CNTN3: variants seen among roughly 807,000 people sequenced by gnomAD.
The protein encoded by CNTN3 is contactin-3.
CNTN3 carries 60 observed loss-of-function variants against 119.1 expected under a neutral mutation model. The ratio of observed to expected loss-of-function variants is 0.50; its 90% CI spans 0.41 to 0.62. CNTN3 has a LOEUF of 0.62. CNTN3 is among the 20% of genes least tolerant of loss of function. CNTN3 has a pLI of 0.00. For synonymous variants in CNTN3, 450 were observed against 438.7 expected, an observed-to-expected ratio of 1.03 and a Z score of -0.32; for missense variants, 1,101 against 1,242.4, an observed-to-expected ratio of 0.89 and a Z score of 1.71.
chr3:74,369,987 C>A lies in CNTN3; in HGVS notation c.663G>T (p.Val221=). ...PTPLVLRSDG[V]MGEYEPKIEV... The stretch of plus-strand genomic sequence containing the variant: ...CTATTTTAGGTTCATATTCACCCAT[C>A]ACACCTATAAATCCACAATATAAAG... The change falls in exon 7 of 23, where the codon GTG becomes GTT. Residue 221 remains valine, a synonymous_variant. Transcript: ENST00000263665. 1 of 1,529,900 alleles carries A rather than the reference C, an allele frequency of 6.5e-7. No homozygotes were observed. The highest frequency in any genetic ancestry group is 9.0e-7 in the Non-Finnish European group (1 of 1,106,832). The allele number at this position is 1,529,900 out of a possible 1,614,324, so 94.8% of individuals were successfully genotyped here. A position where few individuals can be genotyped will look rare whatever the true frequency, so the allele number is the denominator to read the frequency against.
chr3:74,582,145 G>A (rs953022799), intron 1 of CNTN3, among the ~76,000 whole-genome samples: 1 of 152,084 alleles, frequency 6.6e-6, no homozygotes, highest in African/African-American at 2.4e-5. Context: ...GGTGGCTCAC[G>A]CCTGTAATCC....
At chr3:74,406,114 T>C (rs913054536) in intron 5 of CNTN3, among the ~76,000 whole-genome samples, 3 of 152,050 alleles carry the variant, frequency 2.0e-5, no homozygotes, top group Non-Finnish European at 4.4e-5. Context: ...CAAGGCAAAA[T>C]AGCAAATCAA....
At chr3:74,511,871 T>C (rs760856184) in intron 2 of CNTN3, among the ~76,000 whole-genome samples, 1 of 152,126 alleles carries the variant, frequency 6.6e-6, no homozygotes, top group Non-Finnish European at 1.5e-5. Flanking sequence ...ATTTACTATC[T>C]AGCGCATGTT....
chr3:74,319,516 C>T (rs1440766418), intron 13 of CNTN3, among the ~76,000 whole-genome samples: 2 of 152,000 alleles, frequency 1.3e-5, no homozygotes, highest in East Asian at 1.9e-4. Flanking sequence ...AAAATTAATT[C>T]AAGATGGATT....
chr3:74,474,840 G>A (rs891556146), intron 4 of CNTN3, among the ~76,000 whole-genome samples: 2 of 152,144 alleles, frequency 1.3e-5, no homozygotes, highest in Admixed American at 1.3e-4. Flanking sequence ...TTGAGACAGT[G>A]AGTGAGTTTT....
intron 5 of CNTN3, among the ~76,000 whole-genome samples, chr3:74,413,591 T>A (rs1701472721): frequency 6.6e-6 from 1 of 152,206 alleles, no homozygotes; most frequent in South Asian, 2.1e-4. Context: ...TTTAGAGATT[T>A]AGCTGTTACC....
chr3:74,522,882 G>C (rs540676833), intron 1 of CNTN3, among the ~76,000 whole-genome samples: 1 of 151,878 alleles, frequency 6.6e-6, no homozygotes, highest in African/African-American at 2.4e-5. Context: ...CGCAGTGTCT[G>C]CTACACTGTG....
chr3:74,386,590 A>G (rs1704749857), intron 5 of CNTN3, among the ~76,000 whole-genome samples: 1 of 152,166 alleles, frequency 6.6e-6, no homozygotes, highest in Non-Finnish European at 1.5e-5. Flanking sequence ...AAACAAAGCA[A>G]ATTAAAAGCA....
At chr3:74,524,794 T>C (rs1703592057) in intron 1 of CNTN3, among the ~76,000 whole-genome samples, 1 of 151,858 alleles carries the variant, frequency 6.6e-6, no homozygotes, top group Non-Finnish European at 1.5e-5. Flanking sequence ...TTGATCAGTA[T>C]GCATGCCCTA....
chr3:74,513,790 C>T (rs1703407985), intron 2 of CNTN3, among the ~76,000 whole-genome samples: 1 of 151,998 alleles, frequency 6.6e-6, no homozygotes, highest in African/African-American at 2.4e-5. Flanking sequence ...ATTAAAGTGA[C>T]AGGTAGGAAT....
At chr3:74,613,236 T>C (rs1391012013) in intron 1 of CNTN3, among the ~76,000 whole-genome samples, 2 of 152,052 alleles carry the variant, frequency 1.3e-5, no homozygotes, top group East Asian at 1.9e-4. Flanking sequence ...TCTGTGGGGG[T>C]AGACAGAAAC....
intron 4 of CNTN3, among the ~76,000 whole-genome samples, chr3:74,460,530 T>C (rs1254908497): frequency 1.3e-5 from 2 of 151,742 alleles, no homozygotes; most frequent in Admixed American, 1.3e-4. Context: ...CCTATGTATT[T>C]AATTTCCTTA....
chr3:74,290,280 T>C (rs902084250), intron 19 of CNTN3, among the ~76,000 whole-genome samples: 4 of 152,238 alleles, frequency 2.6e-5, no homozygotes, highest in Admixed American at 1.3e-4. Flanking sequence ...GTTACTGTAC[T>C]GAATACTGTA....
chr3:74,297,439 G>A (rs1419226795), intron 18 of CNTN3, among the ~76,000 whole-genome samples: 2 of 151,458 alleles, frequency 1.3e-5, no homozygotes, highest in East Asian at 3.9e-4. Context: ...CATTTCCAAA[G>A]GTGAATCTGA....
intron 5 of CNTN3, among the ~76,000 whole-genome samples, chr3:74,383,413 T>C (rs1337758028): frequency 1.3e-5 from 2 of 152,196 alleles, no homozygotes; most frequent in African/African-American, 4.8e-5. Flanking sequence ...ATGTACCACA[T>C]GTCAAAGGCA....
intron 13 of CNTN3, among the ~76,000 whole-genome samples, chr3:74,314,597 G>A (rs1702784127): frequency 6.6e-6 from 1 of 152,156 alleles, no homozygotes; most frequent in South Asian, 2.1e-4. Flanking sequence ...CCAAGAGGAT[G>A]TAACAATTCT....
At chr3:74,447,415 C>G (rs1489564042) in intron 4 of CNTN3, among the ~76,000 whole-genome samples, 1 of 152,154 alleles carries the variant, frequency 6.6e-6, no homozygotes, top group Non-Finnish European at 1.5e-5. Flanking sequence ...AGATGTAATC[C>G]ATATGGGTCC....
rs544527325 is a variant in CNTN3, at chr3:74,399,756, T to G, written c.454+25089A>C. Among the ~76,000 whole-genome samples the G allele has an allele frequency of 3.3e-5, 5 of 152,258 alleles. No homozygotes were observed. The South Asian group carries it at 1.0e-3, about 32-fold the overall frequency. The stretch of plus-strand genomic sequence containing the variant: ...TAGCTGAACTAAGTAAGTACACTGT[T>G]GGTGGGAGTGTAAGTTTGTCTAGCT... On this transcript the variant is annotated intron_variant, in intron 5 of 22. Coordinates refer to ENST00000263665, the MANE Select transcript of CNTN3 (RefSeq NM_020872.3).
At chr3:74,582,858 A>G (rs1414234543) in intron 1 of CNTN3, among the ~76,000 whole-genome samples, 1 of 151,944 alleles carries the variant, frequency 6.6e-6, no homozygotes, top group African/African-American at 2.4e-5. Context: ...TTTACACAAG[A>G]GAAAAGAAAA....
Sources: allele counts gnomAD v4.1 joint callset (sites outside exome capture counted in the v4.1 genomes callset), GRCh38; gene constraint gnomAD v4.1.1; transcripts MANE v1.5; gene names NCBI Gene and HGNC (gene_info 2026-07-23, HGNC 2026-07-21).